Variants in SLC16A10 observed in about 807,000 individuals in gnomAD.
The protein encoded by SLC16A10 is solute carrier family 16 member 10.
In SLC16A10, 27 loss-of-function variants were observed where a neutral mutation model predicts 40.0. The observed-to-expected ratio is 0.67, with a 90% confidence interval of 0.50 to 0.93. The LOEUF (loss-of-function observed/expected upper bound fraction) is 0.93, where lower values mean the gene tolerates loss of function less well. Among genes scored for constraint, SLC16A10 ranks in the 40% least tolerant of loss-of-function variants. The pLI is 0.00. For synonymous variants in SLC16A10, 213 were observed against 249.8 expected (o/e 0.85, Z 1.39); for missense variants, 529 against 658.2 (o/e 0.80, Z 2.15).
chr6:111,202,812 G>A (rs1390141815), intron 3 of SLC16A10, among the ~76,000 whole-genome samples: 4 of 149,104 alleles, frequency 2.7e-5, no homozygotes, highest in African/African-American at 7.5e-5. Flanking sequence ...GCTTGAATCC[G>A]GGAGGCGGAG....
intron 2 of SLC16A10, among the ~76,000 whole-genome samples, chr6:111,176,349 T>G (rs1201292720): frequency 6.6e-6 from 1 of 152,256 alleles, no homozygotes; most frequent in Non-Finnish European, 1.5e-5. Flanking sequence ...CTTTTACTAC[T>G]GATAGCCTTT....
Position 111,228,561 on chromosome 6 carries a change from A to C in SLC16A10, c.*6326A>C, listed in dbSNP as rs1406143363. 6.6e-6 allele frequency: 1 copy of C among 152,166 alleles called. No homozygotes were observed. The highest frequency in any genetic ancestry group is 2.4e-5 in the African/African-American group (1 of 41,438). 9.4% of individuals were successfully genotyped at this position (152,166 alleles called of 1,614,324 possible). The stretch of plus-strand genomic sequence containing the variant: ...ACTATTTTGGAGCCTGTGATGTATG[A>C]CTTTTATTCTTTACTAGATATTTTT... On this transcript the variant is annotated 3_prime_UTR_variant, in exon 6 of 6. Coordinates refer to ENST00000368851, the MANE Select transcript of SLC16A10 (RefSeq NM_018593.5).
At chr6:111,212,512 G>A (rs900567939) in intron 4 of SLC16A10, among the ~76,000 whole-genome samples, 6 of 152,168 alleles carry the variant, frequency 3.9e-5, no homozygotes, top group African/African-American at 1.2e-4. Context: ...ATATTGAGTG[G>A]TTGGTTGCAG....
rs773821961 is a variant in SLC16A10 at position 111,227,658 on chromosome 6, G to A, written c.*5423G>A. 1.3e-5 allele frequency: 2 copies of A among 152,168 alleles called. No individual in the cohort carries two copies. The highest frequency in any genetic ancestry group is 6.5e-5 in the Admixed American group (1 of 15,272). The allele number at this position is 152,168 out of a possible 1,614,324, so 9.4% of individuals were successfully genotyped here. On this transcript the variant is annotated 3_prime_UTR_variant, in exon 6 of 6. Coordinates refer to ENST00000368851, the MANE Select transcript of SLC16A10 (RefSeq NM_018593.5). ...GTTCAGTGTTCCATACTAAAGGGGT[G>A]TAATCTTGCTTTCTGGGGAAATAAA...
At chr6:111,144,835 TA>T (rs1045846690) in intron 1 of SLC16A10, among the ~76,000 whole-genome samples, 27 of 152,280 alleles carry the variant, frequency 1.8e-4, no homozygotes, top group African/African-American at 6.0e-4. Flanking sequence ...TTGTTTGTTT[TA>T]AAAACATTCT....
At chr6:111,092,191 G>A (rs148134015) in intron 1 of SLC16A10, among the ~76,000 whole-genome samples, 130 of 152,210 alleles carry the variant, frequency 8.5e-4, no homozygotes, top group African/African-American at 3.0e-3. Context: ...AATGAAAAAT[G>A]CTGACGGCAT....
intron 1 of SLC16A10, among the ~76,000 whole-genome samples, chr6:111,152,310 T>C (rs1317270948): frequency 1.3e-5 from 2 of 152,220 alleles, no homozygotes; most frequent in Non-Finnish European, 2.9e-5. Flanking sequence ...GGCAGCTCCA[T>C]GAAGACAGGG....
chr6:111,218,568 G>A (rs1770824714), intron 4 of SLC16A10, among the ~76,000 whole-genome samples: 1 of 152,158 alleles, frequency 6.6e-6, no homozygotes, highest in Non-Finnish European at 1.5e-5. Context: ...AACAGAGACA[G>A]ACTCCAGCTC....
intron 5 of SLC16A10, among the ~76,000 whole-genome samples, chr6:111,220,908 C>G (rs771631458): frequency 3.3e-5 from 5 of 152,192 alleles, no homozygotes; most frequent in African/African-American, 4.8e-5. Context: ...CATAGTATTA[C>G]AGCAGAACAT....
chr6:111,169,420 T>G (rs932622767), intron 1 of SLC16A10, among the ~76,000 whole-genome samples: 1 of 152,222 alleles, frequency 6.6e-6, no homozygotes, highest in Non-Finnish European at 1.5e-5. Flanking sequence ...GAAAAAAGAA[T>G]TAGCTTCAAA....
chr6:111,208,142 T>G (rs990805216), intron 4 of SLC16A10, among the ~76,000 whole-genome samples: 1 of 151,980 alleles, frequency 6.6e-6, no homozygotes, highest in African/African-American at 2.4e-5. Flanking sequence ...CTAATTTTTG[T>G]TTTTTTGTTT....
rs113826528 is a variant in SLC16A10 at position 111,172,892 on chromosome 6, A to C, written c.488+53A>C. 12 of 1,575,640 alleles carry C rather than the reference A, an allele frequency of 7.6e-6. No individual in the cohort carries two copies. The African/African-American group carries it at 1.2e-4, about 16-fold the overall frequency. ...TTTTAAAAACTGTTAGATACCTTAA[A>C]GTTTTACTTTCAGAAACTATGCTAT... On this transcript the variant is annotated intron_variant, in intron 2 of 5. Transcript: ENST00000368851.
intron 1 of SLC16A10, among the ~76,000 whole-genome samples, chr6:111,147,153 T>C (rs576208117): frequency 5.2e-4 from 79 of 152,338 alleles, no homozygotes; most frequent in African/African-American, 1.8e-3. Context: ...TTTGTGAATA[T>C]ACTAAGACAC....
At chr6:111,141,828 G>A (rs915085814) in intron 1 of SLC16A10, among the ~76,000 whole-genome samples, 5 of 152,216 alleles carry the variant, frequency 3.3e-5, no homozygotes, top group Non-Finnish European at 7.3e-5. Flanking sequence ...GATATTCCAT[G>A]TTCATGGATA....
At chr6:111,183,591 A>G (rs1323084319) in intron 3 of SLC16A10, among the ~76,000 whole-genome samples, 3 of 152,218 alleles carry the variant, frequency 2.0e-5, no homozygotes, top group African/African-American at 7.2e-5. Flanking sequence ...TTGATGCTAT[A>G]ATGATTTTTC....
At chr6:111,185,392 C>T (rs1024366508) in intron 3 of SLC16A10, among the ~76,000 whole-genome samples, 1 of 152,118 alleles carries the variant, frequency 6.6e-6, no homozygotes. Context: ...TCTCTCAGAA[C>T]GAAGAACAGA....
chr6:111,179,158 T>G (rs1055765329), intron 3 of SLC16A10, among the ~76,000 whole-genome samples: 2 of 152,092 alleles, frequency 1.3e-5, no homozygotes, highest in Admixed American at 6.6e-5. Flanking sequence ...TACTACCACA[T>G]GAACACACCT....
At chr6:111,141,142 G>A (rs533337329) in intron 1 of SLC16A10, among the ~76,000 whole-genome samples, 1 of 152,086 alleles carries the variant, frequency 6.6e-6, no homozygotes, top group African/African-American at 2.4e-5. Context: ...CCTTTGATAG[G>A]GATGTGATGT....
chr6:111,096,705 T>A (rs1009101326), intron 1 of SLC16A10, among the ~76,000 whole-genome samples: 1 of 152,266 alleles, frequency 6.6e-6, no homozygotes, highest in Non-Finnish European at 1.5e-5. Context: ...TTCATTTCAC[T>A]AATTTTTAAT....
Sources: allele counts gnomAD v4.1 joint callset (sites outside exome capture counted in the v4.1 genomes callset), GRCh38; gene constraint gnomAD v4.1.1; transcripts MANE v1.5; gene names NCBI Gene and HGNC (gene_info 2026-07-23, HGNC 2026-07-21).